Variants in NECTIN2 observed in about 807,000 individuals in gnomAD.
The protein encoded by NECTIN2 is nectin cell adhesion molecule 2.
Under a neutral mutation model 56.9 loss-of-function variants are expected in NECTIN2, and 23 were observed. The observed-to-expected ratio is 0.40, with a 90% CI of 0.29 to 0.57. The LOEUF (loss-of-function observed/expected upper bound fraction) is 0.57, where lower values mean the gene tolerates loss of function less well. Among genes scored for constraint, NECTIN2 ranks in the 20% least tolerant of loss-of-function variants. The probability of loss-of-function intolerance (pLI) is 0.38; values close to 1 mark genes in which losing one functional copy is unlikely to be tolerated. For missense variants in NECTIN2, 587 were observed against 718.3 expected (o/e 0.82, Z 2.09); for synonymous variants, 302 against 313.8 (o/e 0.96, Z 0.40).
chr19:44,883,410 G>A (rs1969329237), intron 6 of NECTIN2, among the ~76,000 whole-genome samples: 1 of 152,196 alleles, frequency 6.6e-6, no homozygotes, highest in Non-Finnish European at 1.5e-5. Context: ...GAGTAGCTGG[G>A]ATTACAGATG....
At chr19:44,864,069 TCA>T (rs1328211028) in intron 1 of NECTIN2, among the ~76,000 whole-genome samples, 1 of 149,118 alleles carries the variant, frequency 6.7e-6, no homozygotes, top group African/African-American at 2.5e-5. Context: ...GTACAGTGGC[TCA>T]CGCCTATAAT....
rs758574897 is a variant in NECTIN2, at chr19:44,865,006, C to T, written c.89-265C>T. 2.0e-5 allele frequency among the ~76,000 whole-genome samples: 3 copies of T among 152,222 alleles called. No homozygotes were observed. The highest frequency in any genetic ancestry group is 2.1e-4 in the South Asian group (1 of 4,836). On this transcript the variant is annotated intron_variant, in intron 1 of 8. Transcript: ENST00000252483. The surrounding 1 kb of genome is among the most constrained non-coding windows in gnomAD (Gnocchi z 5.2). ...GTGCACAGCCACAATTTAATTATCA[C>T]ACCTCGGAACATGAACAGCAATTCC...
rs1365743374 is a variant in NECTIN2, at chr19:44,865,309, C to G, written c.127C>G (p.Arg43Gly). The part of the protein sequence containing the change: ...DVRVQVLPEV[R>G]GQLGGTVELP... Reference sequence around the variant, plus strand: ...GCGAGTTCAAGTGCTACCCGAGGTGCGAGGCCAGCTCGGGGGCACCGTGGA... The same window carrying G: ...GCGAGTTCAAGTGCTACCCGAGGTGGGAGGCCAGCTCGGGGGCACCGTGGA... The change falls in exon 2 of 9, where the codon CGA (arginine) becomes GGA (glycine). Residue 43 changes from arginine to glycine, a missense_variant. Physicochemically the swap from Arg to Gly is moderately radical, Grantham distance 125. Coordinates refer to ENST00000252483, the MANE Select transcript of NECTIN2 (RefSeq NM_001042724.2). This position sits in a 1 kb window ranked among gnomAD's most constrained non-coding sequence, Gnocchi z 5.2. The G allele has an allele frequency of 6.2e-7, 1 of 1,613,444 alleles. No homozygotes were observed. The highest frequency in any genetic ancestry group is 8.5e-7 in the Non-Finnish European group (1 of 1,179,744).
intron 1 of NECTIN2, among the ~76,000 whole-genome samples, chr19:44,861,447 A>C (rs994005289): frequency 6.6e-6 from 1 of 152,226 alleles, no homozygotes; most frequent in Non-Finnish European, 1.5e-5. Flanking sequence ...GTCTATATCT[A>C]CAAAGATTTC....
Position 44,882,303 on chromosome 19 carries a change from A to T in NECTIN2, c.1135A>T (p.Ile379Phe). ...TGCTACTGCTGTGGCTGCCACGGGC[A>T]TCCTTATCTGCCGGCAGCAGCGGAA... is the stretch of plus-strand genomic sequence containing the variant. Reference protein sequence around the residue: ...IIATAVAATGILICRQQRKEQ... With the variant: ...IIATAVAATGFLICRQQRKEQ... Residue 379 changes from isoleucine to phenylalanine, a missense_variant, in exon 6 of 9, where the codon ATC becomes TTC. Ile to Phe is a conservative substitution (Grantham distance 21). Coordinates refer to ENST00000252483, the MANE Select transcript of NECTIN2 (RefSeq NM_001042724.2). 2 of 1,559,644 alleles carry T rather than the reference A, an allele frequency of 1.3e-6. No homozygotes were observed. The highest frequency in any genetic ancestry group is 1.7e-6 in the Non-Finnish European group (2 of 1,152,380).
At chr19:44,878,849 G>C in intron 5 of NECTIN2, 3 of 1,316,348 alleles carry the variant, frequency 2.3e-6, no homozygotes, top group Non-Finnish European at 2.9e-6. Flanking sequence ...GATCCAGAGA[G>C]GACCCCCGCC....
At chr19:44,870,966 G>A (rs1008742052) in intron 2 of NECTIN2, among the ~76,000 whole-genome samples, 2 of 152,124 alleles carry the variant, frequency 1.3e-5, no homozygotes, top group African/African-American at 2.4e-5. Flanking sequence ...CTGACCTCAG[G>A]TGATCTGCCC....
chr19:44,884,770 G>A (rs1266499709), intron 6 of NECTIN2, among the ~76,000 whole-genome samples: 1 of 152,180 alleles, frequency 6.6e-6, no homozygotes, highest in African/African-American at 2.4e-5. Flanking sequence ...TGGAAGAGGG[G>A]ACATCTGAGC....
chr19:44,883,728 G>A (rs1346900190), intron 6 of NECTIN2, among the ~76,000 whole-genome samples: 1 of 152,258 alleles, frequency 6.6e-6, no homozygotes, highest in East Asian at 1.9e-4. Flanking sequence ...CAGGAGGCTG[G>A]GGTGGGAGGT....
At chr19:44,847,515 C>T (rs1277132665) in intron 1 of NECTIN2, among the ~76,000 whole-genome samples, 5 of 152,090 alleles carry the variant, frequency 3.3e-5, no homozygotes, top group African/African-American at 7.2e-5. Context: ...GTGCGAGCAG[C>T]GGGCCCCGTC....
At chr19:44,861,308 G>A (rs1202290354) in intron 1 of NECTIN2, among the ~76,000 whole-genome samples, 1 of 152,134 alleles carries the variant, frequency 6.6e-6, no homozygotes, top group Non-Finnish European at 1.5e-5. Context: ...CCTCCCAAAG[G>A]AAAAGACATC....
chr19:44,853,717 G>C (rs183685607), intron 1 of NECTIN2, among the ~76,000 whole-genome samples: 6 of 152,304 alleles, frequency 3.9e-5, no homozygotes, highest in Admixed American at 1.3e-4. Context: ...TCAAACTCCT[G>C]ACCTCGTGAT....
intron 5 of NECTIN2, chr19:44,878,393 G>C (rs557252984): frequency 1.3e-6 from 2 of 1,559,378 alleles, no homozygotes; most frequent in East Asian, 2.4e-5. Context: ...CAGTGGCGAC[G>C]GGGGATTCTA....
At position 44,874,748 on chromosome 19, in the gene NECTIN2, T is replaced by C. The variant is rs1027650156; in HGVS notation, c.1042+270T>C. The C allele has an allele frequency of 3.7e-5, 16 of 429,976 alleles. No individual in the cohort carries two copies. The highest frequency in any genetic ancestry group is 6.5e-5 in the Non-Finnish European group (15 of 231,360). 26.6% of individuals were successfully genotyped at this position (429,976 alleles called of 1,614,324 possible). A position where few individuals can be genotyped will look rare whatever the true frequency, so the allele number is the denominator to read the frequency against. On this transcript the variant is annotated intron_variant, in intron 5 of 8. Coordinates refer to ENST00000252483, the MANE Select transcript of NECTIN2 (RefSeq NM_001042724.2). This position sits in a 1 kb window ranked among gnomAD's most constrained non-coding sequence, Gnocchi z 6.3. Reference sequence around the variant, plus strand: ...CTAGAAAGTAGAGGCCTGGGTAGGGTCCTCACGAATAGACCCGAGGAAGCT... The same window carrying C: ...CTAGAAAGTAGAGGCCTGGGTAGGGCCCTCACGAATAGACCCGAGGAAGCT...
intron 5 of NECTIN2, chr19:44,878,317 C>T (rs1196706479): frequency 1.3e-6 from 2 of 1,517,056 alleles, no homozygotes; most frequent in African/African-American, 2.8e-5. Context: ...CTGGGGGGTC[C>T]TTGGCCTTCA....
At chr19:44,886,031 C>T in intron 7 of NECTIN2, 31 bp downstream of exon 7, 1 of 1,581,120 alleles carries the variant, frequency 6.3e-7, no homozygotes, top group African/African-American at 1.3e-5. Flanking sequence ...CCAAGCTATC[C>T]CCACCTCCAC....
chr19:44,846,631 C>T lies in NECTIN2; in HGVS notation c.88+18C>T. 1 of 1,521,404 alleles carries T rather than the reference C, an allele frequency of 6.6e-7. No homozygotes were observed. The highest frequency in any genetic ancestry group is 8.8e-7 in the Non-Finnish European group (1 of 1,141,042). 94.2% of individuals were successfully genotyped at this position (1,521,404 alleles called of 1,614,324 possible). ...GGAAACCGGTGAGACGAGCGGACGG[C>T]CCCCTGCCCTCGCGCGGACCCCCTC... On this transcript the variant is annotated intron_variant, in intron 1 of 8. Coordinates refer to ENST00000252483, the MANE Select transcript of NECTIN2 (RefSeq NM_001042724.2).
chr19:44,850,087 C>A (rs1464680036), intron 1 of NECTIN2, among the ~76,000 whole-genome samples: 2 of 152,150 alleles, frequency 1.3e-5, no homozygotes, highest in Non-Finnish European at 2.9e-5. Flanking sequence ...GTAATTCCAG[C>A]ACTTTGGGAG....
At chr19:44,869,698 T>A (rs190009948) in intron 2 of NECTIN2, among the ~76,000 whole-genome samples, 9 of 151,194 alleles carry the variant, frequency 6.0e-5, no homozygotes, top group Admixed American at 1.3e-4. Flanking sequence ...TTGCCCTGAA[T>A]ATACACTTCA....
Sources: allele counts gnomAD v4.1 joint callset (sites outside exome capture counted in the v4.1 genomes callset), GRCh38; gene constraint gnomAD v4.1.1; non-coding constraint Gnocchi (gnomAD v3.1); transcripts MANE v1.5; gene names NCBI Gene and HGNC (gene_info 2026-07-23, HGNC 2026-07-21).